BAHCC1: variants seen among roughly 807,000 people sequenced by gnomAD.
BAHCC1 encodes BAH domain and coiled-coil containing 1.
A neutral mutation model predicts 88.2 loss-of-function variants in BAHCC1; 43 were observed. The ratio of observed to expected loss-of-function variants is 0.49; its 90% confidence interval spans 0.38 to 0.63. The LOEUF (loss-of-function observed/expected upper bound fraction) is 0.63. Among genes scored for constraint, BAHCC1 ranks in the 20% least tolerant of loss-of-function variants. The pLI is 0.00. For synonymous variants in BAHCC1, 1,510 were observed against 745.5 expected, an observed-to-expected ratio of 2.03 and a Z score of -16.71; for missense variants, 3,023 against 1,654.8, an observed-to-expected ratio of 1.83 and a Z score of -14.34.
chr17:81,462,565 A>AT (rs1405619789), intron 26 of BAHCC1, 175 bp from the exon 27 acceptor site: 1 of 583,976 alleles, frequency 1.7e-6, no homozygotes, highest in Non-Finnish European at 3.0e-6. Context: ...CTCCAGATCC[A>AT]TGGCTGCCAT....
At chr17:81,422,390 C>A (rs782288138) in intron 2 of BAHCC1, among the ~76,000 whole-genome samples, 1 of 152,168 alleles carries the variant, frequency 6.6e-6, no homozygotes, top group African/African-American at 2.4e-5. Context: ...GACAGCAATC[C>A]AGGTGGCCCG....
chr17:81,441,555 G>A lies in BAHCC1; in HGVS notation c.482-276G>A, dbSNP rs192027089. On this transcript the variant is annotated intron_variant, in intron 4 of 27. Transcript: ENST00000675386. ...CGGGCTCCTGTAGTCCCAGCTACTC[G>A]GGAGGCTGAGACAGGAGAATGGCGT... Among the ~76,000 whole-genome samples, 190 of 152,004 alleles carry A rather than the reference G, an allele frequency of 1.2e-3. 2 individuals carry two copies. Among genetic ancestry groups the A allele is most frequent in the Middle Eastern group, 6.8e-3 (2 of 294 alleles).
Position 81,403,609 on chromosome 17 carries a change from T to C in BAHCC1, c.178+3692T>C, listed in dbSNP as rs146853878. Among the ~76,000 whole-genome samples, 1,310 of 152,230 alleles carry C rather than the reference T, an allele frequency of 8.6e-3. 9 individuals carry two copies. The highest frequency in any genetic ancestry group is 0.015 in the Non-Finnish European group (1,007 of 68,004). ...CATCACAGGCTCCTCTCCCTCATCA[T>C]GTGATATTTTTTTGTAAAGAAAAAA... On this transcript the variant is annotated intron_variant, in intron 2 of 27. Coordinates refer to ENST00000675386, the MANE Select transcript of BAHCC1 (RefSeq NM_001377448.1).
chr17:81,419,280 T>C (rs1232374838), intron 2 of BAHCC1, among the ~76,000 whole-genome samples: 6 of 152,160 alleles, frequency 3.9e-5, no homozygotes, highest in Admixed American at 6.5e-5. Flanking sequence ...CATTCCTCTT[T>C]CTGGGCAGCC....
At chr17:81,452,392 G>A (rs55923414) in intron 13 of BAHCC1, among the ~76,000 whole-genome samples, 26,392 of 151,680 alleles carry the variant, frequency 0.17, 2,559 homozygotes, top group East Asian at 0.3. Context: ...GGCGGGTGAG[G>A]GGACAGTGGC....
chr17:81,403,206 T>C (rs1196765538), intron 2 of BAHCC1, among the ~76,000 whole-genome samples: 3 of 151,794 alleles, frequency 2.0e-5, no homozygotes, highest in Non-Finnish European at 4.4e-5. Context: ...CGTCCTGGCT[T>C]CTGGCTGGGC....
At chr17:81,448,831 G>T (rs2064580818) in intron 11 of BAHCC1, among the ~76,000 whole-genome samples, 1 of 152,126 alleles carries the variant, frequency 6.6e-6, no homozygotes, top group African/African-American at 2.4e-5. Context: ...TGTGCAGAGG[G>T]TTTGAGGAAG....
At chr17:81,429,165 C>T (rs1598475272) in intron 3 of BAHCC1, among the ~76,000 whole-genome samples, 1 of 152,304 alleles carries the variant, frequency 6.6e-6, no homozygotes, top group East Asian at 1.9e-4. Context: ...CTGGGTGGAC[C>T]AGCACGGGTG....
At position 81,461,689 on chromosome 17, in the gene BAHCC1, C is replaced by T. The variant is rs782009010; in HGVS notation, c.7026C>T (p.Asn2342=). The T allele has an allele frequency of 1.8e-5, 13 of 721,764 alleles. No homozygotes were observed. Among genetic ancestry groups the T allele is most frequent in the Middle Eastern group, 2.3e-4 (1 of 4,408 alleles). The allele number at this position is 721,764 out of a possible 1,614,324, so 44.7% of individuals were successfully genotyped here. A position where few individuals can be genotyped will look rare whatever the true frequency, so the allele number is the denominator to read the frequency against. ...VSTSSLCSSD[N]EDSSYSSDDE... Reference sequence around the variant, plus strand: ...CCTCCAGCCTCTGCTCCTCCGACAACGAGGACTCGTCCTACAGCTCAGACG... The same window carrying T: ...CCTCCAGCCTCTGCTCCTCCGACAATGAGGACTCGTCCTACAGCTCAGACG... Residue 2342 remains asparagine, a synonymous_variant, in exon 26 of 28, where the codon AAC becomes AAT. Coordinates refer to ENST00000675386, the MANE Select transcript of BAHCC1 (RefSeq NM_001377448.1).
intron 1 of BAHCC1, among the ~76,000 whole-genome samples, chr17:81,397,335 C>G (rs1337197031): frequency 1.3e-5 from 2 of 150,820 alleles, no homozygotes; most frequent in Non-Finnish European, 3.0e-5. Context: ...TAGCCGAGCC[C>G]GCGTCCCGAG....
chr17:81,423,324 G>T (rs1164228092), intron 2 of BAHCC1, among the ~76,000 whole-genome samples: 1 of 152,232 alleles, frequency 6.6e-6, no homozygotes, highest in African/African-American at 2.4e-5. Context: ...GCAGGAGCCT[G>T]CCAGGGCCGT....
Position 81,413,603 on chromosome 17 carries a change from C to A in BAHCC1, c.179-13197C>A, listed in dbSNP as rs375016349. Among the ~76,000 whole-genome samples the A allele has an allele frequency of 2.7e-3, 412 of 152,380 alleles. 4 individuals are homozygous for A. Among genetic ancestry groups the A allele is most frequent in the African/African-American group, 9.0e-3 (374 of 41,592 alleles). On this transcript the variant is annotated intron_variant, in intron 2 of 27. Coordinates refer to ENST00000675386, the MANE Select transcript of BAHCC1 (RefSeq NM_001377448.1). ...CACCTGTGGGAGGTCCGTTCCCAGA[C>A]GTCCTGCCTTGGTGGAGTGAGCAGA...
chr17:81,457,525 C>G lies in BAHCC1; in HGVS notation c.4974C>G (p.Pro1658=). The G allele has an allele frequency of 1.3e-6, 1 of 753,956 alleles. No homozygotes were observed. Among genetic ancestry groups the G allele is most frequent in the Non-Finnish European group, 2.5e-6 (1 of 405,530 alleles). 46.7% of individuals were successfully genotyped at this position (753,956 alleles called of 1,614,324 possible). ...GTGTGGCCGTGCTGGGGCCCTCACC[C>G]TCCTCTGTGGTCAAGATGGAGGCCA... ...GASVAVLGPS[P]SSVVKMEANQ... Residue 1658 remains proline (P), a synonymous_variant, in exon 17 of 28, where the codon CCC becomes CCG. Transcript: ENST00000675386.
In BAHCC1 at chr17:81,399,114, A is replaced by T. The variant is rs2063776745; in HGVS notation, c.-206-420A>T. The T allele has an allele frequency of 4.9e-6, 1 of 202,840 alleles. No homozygotes were observed. Among genetic ancestry groups the T allele is most frequent in the South Asian group, 3.3e-5 (1 of 30,046 alleles). 12.6% of individuals were successfully genotyped at this position (202,840 alleles called of 1,614,324 possible). On this transcript the variant is annotated intron_variant, in intron 1 of 27. Coordinates refer to ENST00000675386, the MANE Select transcript of BAHCC1 (RefSeq NM_001377448.1). The surrounding 1 kb of genome is among the most constrained non-coding windows in gnomAD (Gnocchi z 4.5). ...ACCTTTGGGCAGCGGGGGAGGGGAG[A>T]GGGTGTGCGTGTGAGTGTGTGTGTG...
chr17:81,413,025 C>T, intron 2 of BAHCC1: 1 of 334,622 alleles, frequency 3.0e-6, no homozygotes, highest in Admixed American at 3.5e-5. Flanking sequence ...ACTTCCTCCA[C>T]ATCCTCTTTC....
rs555404575 is a variant in BAHCC1, at chr17:81,436,387, G to A, written c.359-1983G>A. Among the ~76,000 whole-genome samples, 45 of 152,370 alleles carry A rather than the reference G, an allele frequency of 3.0e-4. No individual in the cohort carries two copies. The South Asian group carries it at 8.5e-3, about 29-fold the overall frequency. ...TGACTGCCTGCTCCCCGCAGAGAGC[G>A]GATGGGCTGGAGGCCTGGACCTCTG... is the stretch of plus-strand genomic sequence containing the variant. On this transcript the variant is annotated intron_variant, in intron 3 of 27. Transcript: ENST00000675386.
chr17:81,425,521 GGTGATGTGGTTGGT>G (rs2064176391), intron 2 of BAHCC1, among the ~76,000 whole-genome samples: 1 of 129,754 alleles, frequency 7.7e-6, no homozygotes, highest in Non-Finnish European at 1.6e-5. Flanking sequence ...GATAGTGGTG[GGTGATGTGGTTGGT>G]GTGATGTGGT....
At chr17:81,405,539 C>G (rs2063867548) in intron 2 of BAHCC1, among the ~76,000 whole-genome samples, 1 of 152,154 alleles carries the variant, frequency 6.6e-6, no homozygotes. Context: ...TTCTAACTCC[C>G]AAAGGACTAT....
In BAHCC1 at chr17:81,397,414, A is replaced by C. The variant is rs76442467; in HGVS notation, c.-207+1779A>C. Among the ~76,000 whole-genome samples the C allele has an allele frequency of 7.4e-3, 1,087 of 147,670 alleles. 8 individuals carry two copies. The highest frequency in any genetic ancestry group is 0.013 in the Admixed American group (189 of 14,964). On this transcript the variant is annotated intron_variant, in intron 1 of 27. Transcript: ENST00000675386. ...TGGAGAGAAAAAAAAAAAAAAAAAC[A>C]ACCACAAAACAAAAGCACAGCACAC...
Sources: gnomAD v4.1 joint callset for allele counts (sites outside exome capture counted in the v4.1 genomes callset) on GRCh38, gnomAD v4.1.1 for gene constraint, Gnocchi (gnomAD v3.1) non-coding constraint, MANE v1.5 for transcripts, NCBI Gene and HGNC (gene_info 2026-07-23, HGNC 2026-07-21) for gene names.